MYOM1: variants seen among roughly 807,000 people sequenced by gnomAD.
The protein encoded by MYOM1 is myomesin-1.
MYOM1 carries 164 observed loss-of-function variants against 205.3 expected under a neutral mutation model. The ratio of observed to expected loss-of-function variants is 0.80; its 90% confidence interval spans 0.70 to 0.91. The LOEUF (loss-of-function observed/expected upper bound fraction) is 0.91, where lower values mean the gene tolerates loss of function less well. Ranked by LOEUF, MYOM1 falls within the 40% of genes least tolerant of loss-of-function variation. The pLI, the probability that MYOM1 is intolerant of heterozygous loss-of-function variation, is 0.00. For synonymous variants in MYOM1, 772 were observed against 789.4 expected, an observed-to-expected ratio of 0.98 and a Z score of 0.37; for missense variants, 2,011 against 2,127.3, an observed-to-expected ratio of 0.95 and a Z score of 1.08.
chr18:3,114,544 A>ATTTTTTTTTTT (rs5822738), intron 21 of MYOM1, among the ~76,000 whole-genome samples: 13 of 88,342 alleles, frequency 1.5e-4, no homozygotes, highest in African/African-American at 6.3e-4. Context: ...TGGTCAGCTA[A>ATTTTTTTTTTT]TTTTTTTTTT....
chr18:3,208,932 T>A (rs967516047), intron 2 of MYOM1, among the ~76,000 whole-genome samples: 3 of 152,212 alleles, frequency 2.0e-5, no homozygotes, highest in Admixed American at 1.3e-4. Context: ...GCCCAGACTA[T>A]CAGCAGCTTC....
chr18:3,229,583 A>G, the MYOM1 span, among the ~76,000 whole-genome samples: 1 of 152,210 alleles, frequency 6.6e-6, no homozygotes, highest in Non-Finnish European at 1.5e-5. Context: ...AGGCTAATGT[A>G]TAATGTCATC....
intron 6 of MYOM1, among the ~76,000 whole-genome samples, chr18:3,175,045 A>T (rs1405647947): frequency 6.6e-6 from 1 of 151,922 alleles, no homozygotes; most frequent in East Asian, 1.9e-4. Flanking sequence ...CATTTGTGTA[A>T]ATTTTTTTTC....
At chr18:3,220,309 G>A (rs1433101300), upstream of MYOM1, among the ~76,000 whole-genome samples, 1 of 152,164 alleles carries the variant, frequency 6.6e-6, no homozygotes, top group Non-Finnish European at 1.5e-5. Flanking sequence ...GATTCTGAGT[G>A]TGCTGTTAAC....
chr18:3,192,236 C>G (rs1201821646), intron 3 of MYOM1, among the ~76,000 whole-genome samples: 1 of 152,072 alleles, frequency 6.6e-6, no homozygotes, highest in East Asian at 1.9e-4. Context: ...ACCGCTCTAG[C>G]CTACCATCTC....
intron 19 of MYOM1, among the ~76,000 whole-genome samples, chr18:3,125,281 A>G (rs2079762464): frequency 6.6e-6 from 1 of 152,250 alleles, no homozygotes; most frequent in South Asian, 2.1e-4. Context: ...AGATAGATGT[A>G]TACAAAATTG....
Position 3,086,061 on chromosome 18 carries a change from T to C in MYOM1, c.4228A>G (p.Ile1410Val), listed in dbSNP as rs1470378896. Residue 1410 changes from isoleucine (I) to valine (V), a missense_variant, in exon 30 of 38, where the codon ATA becomes GTA. By Grantham distance (29) the Ile-to-Val change is conservative. Transcript: ENST00000356443. ...VDEKHDFKDG[I>V]CTLLITEFSK... is the part of the protein sequence containing the mutation. ...ACCTCTGTTATAAGCAGGGTACATA[T>C]ACCATCCTTAAAGTCATGCTTTTCA... The C allele has an allele frequency of 6.2e-7, 1 of 1,608,466 alleles. No homozygotes were observed. Among genetic ancestry groups the C allele is most frequent in the East Asian group, 2.2e-5 (1 of 44,780 alleles).
rs2081160209 is a variant in MYOM1 at position 3,209,048 on chromosome 18, G to C, written c.290+5886C>G. On this transcript the variant is annotated intron_variant, in intron 2 of 37. Transcript: ENST00000356443. This position sits in a 1 kb window ranked among gnomAD's most constrained non-coding sequence, Gnocchi z 4.0. ...TGGATTTGAGTCTCCATACAACTATGGTTATTTCAAGGTGCTTTTCCTATT... is the reference window on the plus strand; with the variant it reads ...TGGATTTGAGTCTCCATACAACTATCGTTATTTCAAGGTGCTTTTCCTATT... 6.6e-6 allele frequency among the ~76,000 whole-genome samples: 1 copy of C among 152,094 alleles called. No individual in the cohort carries two copies. Among genetic ancestry groups the C allele is most frequent in the African/African-American group, 2.4e-5 (1 of 41,402 alleles).
At chr18:3,240,215 C>A in the MYOM1 span, among the ~76,000 whole-genome samples, 3 of 152,142 alleles carry the variant, frequency 2.0e-5, no homozygotes, top group African/African-American at 4.8e-5. Flanking sequence ...CTATATACTT[C>A]AAAACAGCTT....
At chr18:3,229,385 G>GAA in the MYOM1 span, among the ~76,000 whole-genome samples, 5 of 106,508 alleles carry the variant, frequency 4.7e-5, no homozygotes, top group African/African-American at 3.5e-5. Context: ...CAACCCAAGA[G>GAA]AAAAAAAAAA....
chr18:3,216,034 G>A (rs762909911), intron 1 of MYOM1, among the ~76,000 whole-genome samples: 4 of 152,252 alleles, frequency 2.6e-5, no homozygotes, highest in Admixed American at 6.5e-5. Context: ...TTGGGAGGCC[G>A]AGGCAGGCGG....
intron 36 of MYOM1, among the ~76,000 whole-genome samples, chr18:3,072,195 C>A (rs1347004579): frequency 1.3e-5 from 2 of 151,198 alleles, no homozygotes; most frequent in Admixed American, 6.6e-5. Context: ...GGATTATAGG[C>A]ACCTGCCACC....
At chr18:3,177,009 G>A (rs1325871128) in intron 5 of MYOM1, among the ~76,000 whole-genome samples, 2 of 151,822 alleles carry the variant, frequency 1.3e-5, no homozygotes. Flanking sequence ...CACTTTGGGA[G>A]GCTGAAGTGG....
intron 3 of MYOM1, among the ~76,000 whole-genome samples, chr18:3,192,170 G>A (rs544063095): frequency 1.3e-5 from 2 of 152,254 alleles, no homozygotes; most frequent in South Asian, 4.1e-4. Context: ...AGCTGATGTG[G>A]TTTTTAAATG....
At chr18:3,094,368 T>G (rs1182280929) in intron 25 of MYOM1, 62 bp from the exon 26 acceptor site, 22 of 1,353,508 alleles carry the variant, frequency 1.6e-5, no homozygotes, top group Non-Finnish European at 1.8e-5. Context: ...GGTACTCATT[T>G]TCCATCAAGT....
At chr18:3,218,653 C>T (rs1398048063) in intron 1 of MYOM1, among the ~76,000 whole-genome samples, 2 of 152,020 alleles carry the variant, frequency 1.3e-5, no homozygotes, top group African/African-American at 4.8e-5. Context: ...TTACGTTAGG[C>T]AGTTATAAAG....
intron 2 of MYOM1, among the ~76,000 whole-genome samples, chr18:3,214,214 C>A (rs749703617): frequency 6.6e-6 from 1 of 152,182 alleles, no homozygotes; most frequent in Non-Finnish European, 1.5e-5. Context: ...GTTCAGTCTC[C>A]TGTGCCCTGT....
At chr18:3,240,537 T>C in the MYOM1 span, among the ~76,000 whole-genome samples, 1 of 152,230 alleles carries the variant, frequency 6.6e-6, no homozygotes, top group African/African-American at 2.4e-5. Context: ...TGAGGCCTCC[T>C]CAGCCACATG....
chr18:3,085,337 C>T (rs1402371525), intron 30 of MYOM1, among the ~76,000 whole-genome samples: 1 of 143,806 alleles, frequency 7.0e-6, no homozygotes, highest in African/African-American at 2.6e-5. Flanking sequence ...CTCACTGTAT[C>T]CTTGAACGCC....
Sources: gnomAD v4.1 joint callset for allele counts (sites outside exome capture counted in the v4.1 genomes callset) on GRCh38, gnomAD v4.1.1 for gene constraint, Gnocchi (gnomAD v3.1) non-coding constraint, MANE v1.5 for transcripts, NCBI Gene and HGNC (gene_info 2026-07-23, HGNC 2026-07-21) for gene names.